Variants in GMDS observed in about 807,000 individuals in gnomAD.
GMDS encodes GDP-mannose 4,6-dehydratase.
GMDS carries 20 observed loss-of-function variants against 49.9 expected under a neutral mutation model. The observed-to-expected ratio is 0.40, with a 90% CI of 0.28 to 0.58. GMDS has a LOEUF of 0.58. Ranked by LOEUF, GMDS falls within the 20% of genes least tolerant of loss-of-function variation. The pLI is 0.42. For synonymous variants in GMDS, 177 were observed against 178.6 expected (o/e 0.99, Z 0.07); for missense variants, 362 against 481.4 (o/e 0.75, Z 2.32).
chr6:1,624,347 C>G, intron 10 of GMDS, 116 bp from the exon 11 acceptor site: 2 of 1,289,720 alleles, frequency 1.6e-6, no homozygotes, highest in Non-Finnish European at 2.2e-6. Context: ...GCTCCCCTCA[C>G]TTCTCCCGCA....
At chr6:1,990,013 T>C (rs1316528034) in intron 4 of GMDS, among the ~76,000 whole-genome samples, 1 of 152,208 alleles carries the variant, frequency 6.6e-6, no homozygotes, top group Non-Finnish European at 1.5e-5. Context: ...ATGTTAGCCA[T>C]AGGCTGGGCG....
chr6:1,779,203 T>C (rs1287598130), intron 7 of GMDS, among the ~76,000 whole-genome samples: 4 of 152,198 alleles, frequency 2.6e-5, no homozygotes, highest in Non-Finnish European at 4.4e-5. Context: ...CTCCACTTAC[T>C]GGAAACTTCA....
At chr6:2,067,363 G>A (rs1333803218) in intron 4 of GMDS, among the ~76,000 whole-genome samples, 2 of 149,388 alleles carry the variant, frequency 1.3e-5, no homozygotes, top group Non-Finnish European at 3.0e-5. Context: ...AACTAGAAAA[G>A]CAAGAGCAAA....
chr6:1,712,583 C>T (rs185642318), intron 9 of GMDS, among the ~76,000 whole-genome samples: 220 of 152,234 alleles, frequency 1.4e-3, no homozygotes, highest in African/African-American at 5.0e-3. Context: ...GGAGAGAAGA[C>T]GCAGCAGACA....
At chr6:2,096,744 GCCAAAAAGGGAGGTTCT>G (rs1773625413) in intron 4 of GMDS, among the ~76,000 whole-genome samples, 1 of 152,112 alleles carries the variant, frequency 6.6e-6, no homozygotes, top group Non-Finnish European at 1.5e-5. Flanking sequence ...TTTGACCTAT[GCCAAAAAGGGAGGTTCT>G]CCATTCAAAC....
intron 4 of GMDS, among the ~76,000 whole-genome samples, chr6:2,075,458 C>T (rs1448479418): frequency 6.6e-6 from 1 of 152,160 alleles, no homozygotes; most frequent in Admixed American, 6.5e-5. Context: ...CTTCCTGTGT[C>T]CAAGTGTTCT....
chr6:2,130,767 T>C (rs1775691235), intron 1 of GMDS, among the ~76,000 whole-genome samples: 1 of 152,042 alleles, frequency 6.6e-6, no homozygotes, highest in Admixed American at 6.5e-5. Context: ...AAAAAAAAGA[T>C]TTACATATAA....
chr6:1,665,717 G>A (rs889978161), intron 9 of GMDS, among the ~76,000 whole-genome samples: 3 of 151,768 alleles, frequency 2.0e-5, no homozygotes, highest in African/African-American at 7.3e-5. Context: ...CTCCTGCCTC[G>A]ATGGGCCACA....
At chr6:1,937,555 G>C (rs944889059) in intron 6 of GMDS, among the ~76,000 whole-genome samples, 1 of 152,192 alleles carries the variant, frequency 6.6e-6, no homozygotes, top group Non-Finnish European at 1.5e-5. Context: ...AATATCTACA[G>C]GAGAACCCTG....
At chr6:1,634,746 G>A (rs1448778494) in intron 9 of GMDS, among the ~76,000 whole-genome samples, 2 of 152,202 alleles carry the variant, frequency 1.3e-5, no homozygotes, top group Non-Finnish European at 2.9e-5. Flanking sequence ...AGAGGGGCAA[G>A]AGCAGGGGAG....
chr6:2,240,195 T>C (rs1236856179), intron 1 of GMDS, among the ~76,000 whole-genome samples: 2 of 152,206 alleles, frequency 1.3e-5, no homozygotes, highest in Non-Finnish European at 2.9e-5. Flanking sequence ...TGATTCCAAA[T>C]ATTACAGAAC....
chr6:1,676,766 T>C (rs1215941192), intron 9 of GMDS, among the ~76,000 whole-genome samples: 1 of 152,148 alleles, frequency 6.6e-6, no homozygotes, highest in Non-Finnish European at 1.5e-5. Context: ...CCTTACATCT[T>C]ATAGAAAAAT....
chr6:1,880,781 CA>C (rs2113822649), intron 7 of GMDS, among the ~76,000 whole-genome samples: 1 of 152,238 alleles, frequency 6.6e-6, no homozygotes, highest in South Asian at 2.1e-4. Context: ...ATAACTTCAG[CA>C]GCAGAAACAA....
At chr6:2,184,574 C>T (rs1013939222) in intron 1 of GMDS, among the ~76,000 whole-genome samples, 1 of 152,152 alleles carries the variant, frequency 6.6e-6, no homozygotes, top group Non-Finnish European at 1.5e-5. Context: ...GAGAGGCTGC[C>T]CGGACCTACA....
chr6:1,669,937 A>AAAAC, intron 9 of GMDS, among the ~76,000 whole-genome samples: 1 of 150,526 alleles, frequency 6.6e-6, no homozygotes, highest in Non-Finnish European at 1.5e-5. Context: ...AAAAAAAAAA[A>AAAAC]AAAGCTGTCA....
intron 9 of GMDS, among the ~76,000 whole-genome samples, chr6:1,677,048 T>C (rs931965478): frequency 2.0e-5 from 3 of 152,136 alleles, no homozygotes; most frequent in South Asian, 2.1e-4. Context: ...AGGGCTAATA[T>C]ACAGAATCTA....
chr6:1,656,328 C>T lies in GMDS; in HGVS notation c.988-31788G>A, dbSNP rs549521967. On this transcript the variant is annotated intron_variant, in intron 9 of 10. Transcript: ENST00000380815. Reference sequence around the variant, plus strand: ...TGGTTTTTGCCCTCTTTCTTTTTCACGCTGTTCACCAGACAGATTTGCCAT... The same window carrying T: ...TGGTTTTTGCCCTCTTTCTTTTTCATGCTGTTCACCAGACAGATTTGCCAT... 2.6e-5 allele frequency among the ~76,000 whole-genome samples: 4 copies of T among 152,284 alleles called. No individual in the cohort carries two copies. The South Asian group carries it at 6.2e-4, about 24-fold the overall frequency.
chr6:1,631,595 A>T (rs1040438498), intron 9 of GMDS, among the ~76,000 whole-genome samples: 2 of 152,130 alleles, frequency 1.3e-5, no homozygotes, highest in African/African-American at 4.8e-5. Context: ...TGTATACAGT[A>T]TATTAAGTCC....
At chr6:2,120,901 C>T (rs921858536) in intron 2 of GMDS, among the ~76,000 whole-genome samples, 9 of 152,220 alleles carry the variant, frequency 5.9e-5, no homozygotes, top group African/African-American at 2.2e-4. Flanking sequence ...TGTCCACTGG[C>T]TTGTCCACAT....
Sources: allele counts gnomAD v4.1 joint callset (sites outside exome capture counted in the v4.1 genomes callset), GRCh38; gene constraint gnomAD v4.1.1; transcripts MANE v1.5; gene names NCBI Gene and HGNC (gene_info 2026-07-23, HGNC 2026-07-21).